UBASH3A: variants seen among roughly 807,000 people sequenced by gnomAD.
UBASH3A encodes ubiquitin associated and SH3 domain containing A.
Under a neutral mutation model 73.5 loss-of-function variants are expected in UBASH3A, and 63 were observed. The ratio of observed to expected loss-of-function variants is 0.86; its 90% CI spans 0.70 to 1.06. The LOEUF is 1.06. Among genes scored for constraint, UBASH3A ranks in the 50% least tolerant of loss-of-function variants. The pLI, the probability that UBASH3A is intolerant of heterozygous loss-of-function variation, is 0.00. For missense variants in UBASH3A, 860 were observed against 859.0 expected, an observed-to-expected ratio of 1.00 and a Z score of -0.02; for synonymous variants, 363 against 351.1, an observed-to-expected ratio of 1.03 and a Z score of -0.38.
chr21:42,426,671 C>T, intron 7 of UBASH3A, 26 bp from the exon 8 acceptor site: 1 of 1,612,008 alleles, frequency 6.2e-7, no homozygotes, highest in Non-Finnish European at 8.5e-7. Flanking sequence ...CACTTCTGTT[C>T]AAGCCGTGCT....
At chr21:42,407,545 A>G (rs2053003051) in intron 2 of UBASH3A, among the ~76,000 whole-genome samples, 1 of 152,206 alleles carries the variant, frequency 6.6e-6, no homozygotes, top group Non-Finnish European at 1.5e-5. Flanking sequence ...GGGGTCCCCT[A>G]GACTGTCAAG....
chr21:42,422,077 T>G (rs2146538813), intron 7 of UBASH3A, among the ~76,000 whole-genome samples: 1 of 152,316 alleles, frequency 6.6e-6, no homozygotes, highest in South Asian at 2.1e-4. Flanking sequence ...CCTATGTCCC[T>G]GGGCTCCCCC....
rs141421753 is a variant in UBASH3A at position 42,409,585 on chromosome 21, G to A, written c.331G>A (p.Val111Met). ...KNRAHEVFPH[V>M]TLCDFFTCED... The stretch of plus-strand genomic sequence containing the variant: ...CAGAGCTCATGAGGTCTTCCCACAC[G>A]TGACACTCTGTGACTTCTTCACGGT... Residue 111 changes from valine to methionine, a missense_variant, in exon 3 of 15, where the codon GTG (valine) becomes ATG (methionine). By Grantham distance (21) the Val-to-Met change is conservative. Transcript: ENST00000319294. 5.2e-4 allele frequency: 835 copies of A among 1,611,370 alleles called. 1 individual carries two copies. The highest frequency in any genetic ancestry group is 6.7e-4 in the Non-Finnish European group (787 of 1,178,960).
chr21:42,445,905 G>A (rs1281981580), intron 14 of UBASH3A, among the ~76,000 whole-genome samples: 2 of 152,074 alleles, frequency 1.3e-5, no homozygotes, highest in African/African-American at 2.4e-5. Context: ...ACTGTCCGGG[G>A]CAGCCCCGGC....
intron 3 of UBASH3A, among the ~76,000 whole-genome samples, chr21:42,412,271 G>C (rs528034880): frequency 6.6e-6 from 1 of 152,168 alleles, no homozygotes; most frequent in Non-Finnish European, 1.5e-5. Flanking sequence ...GTCGGGCTCC[G>C]TGGGCCTGAG....
intron 11 of UBASH3A, among the ~76,000 whole-genome samples, chr21:42,438,051 G>A (rs1387320213): frequency 6.6e-6 from 1 of 152,152 alleles, no homozygotes; most frequent in African/African-American, 2.4e-5. Context: ...TCCCATCTAC[G>A]GGAAGAAGAA....
At chr21:42,408,952 A>AT (rs2053035965) in intron 2 of UBASH3A, among the ~76,000 whole-genome samples, 1 of 151,424 alleles carries the variant, frequency 6.6e-6, no homozygotes, top group Non-Finnish European at 1.5e-5. Flanking sequence ...ATAAAATAAA[A>AT]ACTGTCTGAA....
At chr21:42,421,757 G>A (rs954396180) in intron 7 of UBASH3A, among the ~76,000 whole-genome samples, 1 of 152,224 alleles carries the variant, frequency 6.6e-6, no homozygotes, top group Non-Finnish European at 1.5e-5. Flanking sequence ...AAGCCTCTGT[G>A]TGGATAAGAC....
At chr21:42,446,996 T>G (rs980138797) in intron 14 of UBASH3A, 61 bp from the exon 15 acceptor site, 16 of 1,560,360 alleles carry the variant, frequency 1.0e-5, no homozygotes, top group African/African-American at 1.4e-5. Context: ...GCTTTGGAGC[T>G]AGTCTGAAAT....
Position 42,446,938 on chromosome 21 carries a change from G to C in UBASH3A, c.1849-119G>C, listed in dbSNP as rs895219649. On this transcript the variant is annotated intron_variant, in intron 14 of 14. Transcript: ENST00000319294. The stretch of plus-strand genomic sequence containing the variant: ...GTGCCATTCAATGGTGGCAGTGCCA[G>C]CCTGGGCAGTCGCAGACCCTCCAAA... 5 of 1,173,518 alleles carry C rather than the reference G, an allele frequency of 4.3e-6. No homozygotes were observed. In the African/African-American group the frequency reaches 7.8e-5, roughly 18 times the overall value. The allele number at this position is 1,173,518 out of a possible 1,614,324, so 72.7% of individuals were successfully genotyped here.
At chr21:42,446,120 G>A (rs1304575553) in intron 14 of UBASH3A, among the ~76,000 whole-genome samples, 2 of 152,164 alleles carry the variant, frequency 1.3e-5, no homozygotes, top group South Asian at 2.1e-4. Context: ...TCAAACCCAT[G>A]AGCCTTTGTG....
Position 42,425,624 on chromosome 21 carries a change from T to C in UBASH3A, c.1047-1073T>C, listed in dbSNP as rs147119764. On this transcript the variant is annotated intron_variant, in intron 7 of 14. Coordinates refer to ENST00000319294, the MANE Select transcript of UBASH3A (RefSeq NM_018961.4). ...ACAGCTTGAGAAGATGCAAAGTAAA[T>C]TGGCCTGGACCTGCCATAGTTTATA... 4.2e-3 allele frequency among the ~76,000 whole-genome samples: 647 copies of C among 152,286 alleles called. 3 individuals carry two copies. Among genetic ancestry groups the C allele is most frequent in the African/African-American group, 0.015 (609 of 41,554 alleles).
intron 11 of UBASH3A, among the ~76,000 whole-genome samples, chr21:42,438,800 G>A (rs2053675024): frequency 6.6e-6 from 1 of 152,042 alleles, no homozygotes; most frequent in African/African-American, 2.4e-5. Flanking sequence ...GGCTGCAGTG[G>A]CTAGAATGAC....
intron 7 of UBASH3A, among the ~76,000 whole-genome samples, chr21:42,418,983 T>A (rs112360200): frequency 0.017 from 2,618 of 152,332 alleles, 79 homozygotes; most frequent in African/African-American, 0.059. Flanking sequence ...TAGTTTTCTA[T>A]GACTGTATAA....
rs1163897723 is a variant in UBASH3A at position 42,418,403 on chromosome 21, C to A, written c.840C>A (p.Thr280=). 6.2e-7 allele frequency: 1 copy of A among 1,611,538 alleles called. No individual in the cohort carries two copies. Among genetic ancestry groups the A allele is most frequent in the Non-Finnish European group, 8.5e-7 (1 of 1,177,752 alleles). ...SRDMRFVHYQ[T]LRALFQYKPQ... ...AAACCCCTTTGCCTCTTTTCTAGAC[C>A]CTGAGAGCCCTATTCCAGTACAAAC... The change falls in exon 7 of 15, where the codon ACC becomes ACA. Residue 280 remains threonine (T), a splice_region_variant and synonymous_variant. Coordinates refer to ENST00000319294, the MANE Select transcript of UBASH3A (RefSeq NM_018961.4).
intron 7 of UBASH3A, among the ~76,000 whole-genome samples, chr21:42,423,550 G>A (rs375048131): frequency 2.0e-5 from 3 of 152,172 alleles, no homozygotes; most frequent in Admixed American, 1.3e-4. Context: ...CTGTGGCCCC[G>A]CATCATTTAG....
Position 42,409,423 on chromosome 21 carries a change from C to G in UBASH3A, c.169C>G (p.Leu57Val), listed in dbSNP as rs1394854102. Residue 57 changes from leucine (L) to valine (V), a missense_variant and splice_region_variant, in exon 3 of 15, where the codon CTG becomes GTG. Transcript: ENST00000319294. Reference protein sequence around the residue: ...RKTAEEALAWLHDHCNDPSLD... With the variant: ...RKTAEEALAWVHDHCNDPSLD... ...ATGCCGGCTTGCTCTCTGTTGCAGG[C>G]TGCATGATCATTGCAATGACCCTTC... The G allele has an allele frequency of 1.3e-6, 2 of 1,580,444 alleles. No individual in the cohort carries two copies. The highest frequency in any genetic ancestry group is 1.7e-6 in the Non-Finnish European group (2 of 1,164,666).
At chr21:42,437,809 A>T (rs1459028057) in intron 11 of UBASH3A, among the ~76,000 whole-genome samples, 1 of 152,198 alleles carries the variant, frequency 6.6e-6, no homozygotes, top group Non-Finnish European at 1.5e-5. Context: ...GGTGTAGCTA[A>T]ATGCCAGGGC....
At position 42,405,578 on chromosome 21, in the gene UBASH3A, C is replaced by A. The variant is rs1220410023; in HGVS notation, c.114-730C>A. ...CCAGGTGGCCACAGCCCCATCGGTG[C>A]CCACCCAAATAGCAGCATTCGGCAT... is the stretch of plus-strand genomic sequence containing the variant. On this transcript the variant is annotated intron_variant, in intron 1 of 14. Transcript: ENST00000319294. 3.9e-5 allele frequency among the ~76,000 whole-genome samples: 6 copies of A among 152,218 alleles called. No individual in the cohort carries two copies. In the East Asian group the frequency reaches 1.2e-3, roughly 29 times the overall value.
Sources: gnomAD v4.1 joint callset for allele counts (sites outside exome capture counted in the v4.1 genomes callset) on GRCh38, gnomAD v4.1.1 for gene constraint, MANE v1.5 for transcripts, NCBI Gene and HGNC (gene_info 2026-07-23, HGNC 2026-07-21) for gene names.